PRKX: variants seen among roughly 807,000 people sequenced by gnomAD.
PRKX encodes the protein cAMP-dependent protein kinase catalytic subunit PRKX.
In PRKX, 12 loss-of-function variants were observed where a neutral mutation model predicts 22.0. The ratio of observed to expected loss-of-function variants is 0.54; its 90% CI spans 0.35 to 0.88. PRKX has a LOEUF of 0.88. Among genes scored for constraint, PRKX ranks in the 40% least tolerant of loss-of-function variants. PRKX has a pLI of 0.01. For synonymous variants in PRKX, 134 were observed against 137.7 expected (o/e 0.97, Z 0.19); for missense variants, 217 against 308.0 (o/e 0.70, Z 2.21).
intron 6 of PRKX, among the ~76,000 whole-genome samples, chrX:3,617,545 C>T (rs761850447): frequency 2.7e-5 from 3 of 110,299 alleles, no homozygotes; most frequent in African/African-American, 6.6e-5. Context: ...ACTCGGGAGG[C>T]GGAGGTGGGA....
chrX:3,626,165 T>C (rs1040092763), intron 5 of PRKX, among the ~76,000 whole-genome samples: 3 of 112,328 alleles, frequency 2.7e-5, no homozygotes, highest in Non-Finnish European at 3.8e-5. Flanking sequence ...AACTCGTTCA[T>C]TGGCTCATTT....
intron 2 of PRKX, among the ~76,000 whole-genome samples, chrX:3,670,828 A>G (rs1024543146): frequency 2.7e-5 from 3 of 111,352 alleles, no homozygotes; most frequent in Non-Finnish European, 5.6e-5. Flanking sequence ...TATAAGTGTG[A>G]GTCAACATGC....
chrX:3,611,628 G>T (rs1030596330), intron 8 of PRKX, among the ~76,000 whole-genome samples: 1 of 111,352 alleles, frequency 9.0e-6, no homozygotes, highest in Non-Finnish European at 1.9e-5. Flanking sequence ...TTTCATGAGG[G>T]ATTCTAAAAA....
At chrX:3,700,669 C>G (rs985398039) in intron 1 of PRKX, among the ~76,000 whole-genome samples, 3 of 111,266 alleles carry the variant, frequency 2.7e-5, no homozygotes, top group Admixed American at 9.6e-5. Flanking sequence ...ACCTCGACCT[C>G]TTGGGCTCAA....
intron 3 of PRKX, among the ~76,000 whole-genome samples, chrX:3,644,931 A>G (rs1309230054): frequency 9.0e-6 from 1 of 111,477 alleles, no homozygotes; most frequent in Non-Finnish European, 1.9e-5. Context: ...GTGTTAGGGT[A>G]AGGACACACA....
chrX:3,664,614 T>C (rs1478411318), intron 2 of PRKX, among the ~76,000 whole-genome samples: 4 of 112,016 alleles, frequency 3.6e-5, no homozygotes. Flanking sequence ...TCACAGAAAA[T>C]GTAGTATATC....
At chrX:3,631,218 T>A (rs1225929165) in intron 4 of PRKX, among the ~76,000 whole-genome samples, 1 of 111,975 alleles carries the variant, frequency 8.9e-6, no homozygotes, top group African/African-American at 3.2e-5. Flanking sequence ...AAAAGATACA[T>A]CCATGATCTT....
intron 3 of PRKX, among the ~76,000 whole-genome samples, chrX:3,654,243 TAATA>T (rs966317815): frequency 5.4e-4 from 52 of 96,086 alleles, no homozygotes; most frequent in African/African-American, 1.8e-3. Flanking sequence ...GTATACTATA[TAATA>T]TATAGTATAA....
At position 3,626,407 on chromosome X, in the gene PRKX, C is replaced by T. The variant is rs1449547451; in HGVS notation, c.815+12G>A. On this transcript the variant is annotated intron_variant, in intron 5 of 8. Coordinates refer to ENST00000262848, the MANE Select transcript of PRKX (RefSeq NM_005044.5). ...TAAACACACCTCATGATGAGGCAAA[C>T]GGTTTACTTACTTTACATGGAAATC... 8 of 1,183,624 alleles carry T rather than the reference C, an allele frequency of 6.8e-6. No individual in the cohort carries two copies. The highest frequency in any genetic ancestry group is 5.3e-5 in the African/African-American group (3 of 56,740).
Position 3,684,359 on chromosome X carries a change from C to G in PRKX, c.167-9593G>C, listed in dbSNP as rs182387464. ...TCTGGGTCTCAATCTTTCCCTCTAT[C>G]AAGTGTTGGTTATTTCTTTTCATCA... is the stretch of plus-strand genomic sequence containing the variant. On this transcript the variant is annotated intron_variant, in intron 1 of 8. Coordinates refer to ENST00000262848, the MANE Select transcript of PRKX (RefSeq NM_005044.5). Among the ~76,000 whole-genome samples the G allele has an allele frequency of 1.0e-3, 117 of 111,892 alleles. 1 individual carries two copies. The highest frequency in any genetic ancestry group is 3.6e-3 in the African/African-American group (110 of 30,819).
chrX:3,711,322 A>AT (rs1207122278), intron 1 of PRKX, among the ~76,000 whole-genome samples: 1 of 110,759 alleles, frequency 9.0e-6, no homozygotes, highest in Non-Finnish European at 1.9e-5. Flanking sequence ...TGAAAAAAAA[A>AT]GCTGACTCCC....
At chrX:3,624,996 C>A (rs767830962) in intron 5 of PRKX, among the ~76,000 whole-genome samples, 25 of 110,829 alleles carry the variant, frequency 2.3e-4, no homozygotes, top group Non-Finnish European at 4.3e-4. Flanking sequence ...GGATTTGGGG[C>A]CTGAGAGAGA....
At chrX:3,633,700 G>A (rs1926832356) in intron 4 of PRKX, among the ~76,000 whole-genome samples, 1 of 111,558 alleles carries the variant, frequency 9.0e-6, no homozygotes, top group Admixed American at 9.6e-5. Flanking sequence ...GAGATACCCT[G>A]GGCGCTGTGA....
At chrX:3,655,523 G>A (rs778414515) in intron 2 of PRKX, 111 bp from the exon 3 acceptor site, 2 of 874,201 alleles carry the variant, frequency 2.3e-6, no homozygotes, top group Non-Finnish European at 3.2e-6. Context: ...TGTGTGTACA[G>A]ACAGACAGTA....
intron 3 of PRKX, among the ~76,000 whole-genome samples, chrX:3,648,518 G>GA (rs949862579): frequency 2.1e-4 from 23 of 107,427 alleles, no homozygotes; most frequent in African/African-American, 6.1e-4. Context: ...TGGGCAAAGA[G>GA]AAAAAAAACA....
chrX:3,696,818 G>A (rs992531634), intron 1 of PRKX, among the ~76,000 whole-genome samples: 2 of 111,531 alleles, frequency 1.8e-5, no homozygotes, highest in African/African-American at 6.5e-5. Flanking sequence ...TCAGGAGTTT[G>A]AGACCAGCCT....
rs1926155535 is a variant in PRKX, at chrX:3,605,751, T to C, written c.*3218A>G. ...TGGGAAATTCAGTAACAAGTGATTG[T>C]GCAGTTGTTTGATGGGCATGGAGAG... On this transcript the variant is annotated 3_prime_UTR_variant, in exon 9 of 9. Coordinates refer to ENST00000262848, the MANE Select transcript of PRKX (RefSeq NM_005044.5). 8.9e-6 allele frequency: 1 copy of C among 112,356 alleles called. No individual in the cohort carries two copies. The allele number at this position is 112,356 out of a possible 1,213,427, so 9.3% of individuals were successfully genotyped here.
At chrX:3,706,818 C>T (rs1040538634) in intron 1 of PRKX, among the ~76,000 whole-genome samples, 1 of 112,030 alleles carries the variant, frequency 8.9e-6, no homozygotes, top group African/African-American at 3.2e-5. Flanking sequence ...TTCTCTCAGA[C>T]CCTCTTTCCC....
intron 1 of PRKX, among the ~76,000 whole-genome samples, chrX:3,692,453 C>T (rs955191084): frequency 3.6e-5 from 4 of 110,840 alleles, no homozygotes; most frequent in Admixed American, 1.9e-4. Context: ...TCTGCACTGT[C>T]CAAAATGGTA....
Sources: gnomAD v4.1 joint callset for allele counts (sites outside exome capture counted in the v4.1 genomes callset) on GRCh38, gnomAD v4.1.1 for gene constraint, MANE v1.5 for transcripts, NCBI Gene and HGNC (gene_info 2026-07-23, HGNC 2026-07-21) for gene names.